The following OSMR variants were observed in gnomAD, a reference collection of about 807,000 sequenced individuals.
The protein encoded by OSMR is oncostatin M receptor.
Under a neutral mutation model 99.9 loss-of-function variants are expected in OSMR, and 81 were observed. That is an observed-to-expected ratio of 0.81 (90% CI 0.68 to 0.97). The LOEUF (loss-of-function observed/expected upper bound fraction) is 0.97. Among genes scored for constraint, OSMR ranks in the 50% least tolerant of loss-of-function variants. OSMR has a pLI of 0.00. For synonymous variants in OSMR, 406 were observed against 410.4 expected (o/e 0.99, Z 0.13); for missense variants, 1,099 against 1,153.4 (o/e 0.95, Z 0.68).
At chr5:38,924,818 A>G (rs1314463950) in intron 14 of OSMR, among the ~76,000 whole-genome samples, 4 of 152,158 alleles carry the variant, frequency 2.6e-5, no homozygotes, top group Non-Finnish European at 4.4e-5. Flanking sequence ...TGGTATTTTT[A>G]GAAGCATCTG....
At chr5:38,872,104 A>G (rs572181442) in intron 2 of OSMR, among the ~76,000 whole-genome samples, 3 of 152,230 alleles carry the variant, frequency 2.0e-5, no homozygotes, top group East Asian at 1.9e-4. Context: ...TTTAACCTCA[A>G]TTTCCTCGTC....
chr5:38,939,221 C>G (rs187837263), downstream of OSMR: 112 of 232,856 alleles, frequency 4.8e-4, no homozygotes, highest in African/African-American at 2.3e-3. Flanking sequence ...CATTGATATC[C>G]CACTGCTGAA....
downstream of OSMR, among the ~76,000 whole-genome samples, chr5:38,936,456 C>T (rs529346527): frequency 2.6e-5 from 4 of 152,302 alleles, no homozygotes; most frequent in East Asian, 1.9e-4. Context: ...GTGCACGGTC[C>T]TCACCTGTGT....
intron 1 of OSMR, among the ~76,000 whole-genome samples, chr5:38,865,388 T>G (rs1480611790): frequency 6.6e-6 from 1 of 152,266 alleles, no homozygotes; most frequent in Non-Finnish European, 1.5e-5. Flanking sequence ...TTTGCTTTCA[T>G]AGGGAAAAAT....
downstream of OSMR, chr5:38,939,724 A>C: frequency 8.7e-6 from 2 of 229,640 alleles, no homozygotes; most frequent in Non-Finnish European, 1.7e-5. Flanking sequence ...ATATGGACTA[A>C]GATTAATCCT....
chr5:38,909,408 A>G (rs1000156871), intron 9 of OSMR, among the ~76,000 whole-genome samples: 2 of 152,200 alleles, frequency 1.3e-5, no homozygotes, highest in African/African-American at 4.8e-5. Context: ...TCCCAAAGAC[A>G]CCATGTCTCC....
intron 9 of OSMR, among the ~76,000 whole-genome samples, chr5:38,907,668 A>C (rs999706232): frequency 1.3e-5 from 2 of 152,180 alleles, no homozygotes; most frequent in Non-Finnish European, 2.9e-5. Context: ...GGACCATATC[A>C]TAGCTGCTTT....
At chr5:38,859,990 T>C (rs904795565) in intron 1 of OSMR, among the ~76,000 whole-genome samples, 1 of 152,160 alleles carries the variant, frequency 6.6e-6, no homozygotes, top group Non-Finnish European at 1.5e-5. Flanking sequence ...GGAGTCTAGG[T>C]TTTTATATAT....
At chr5:38,870,482 C>A (rs1742303028) in intron 2 of OSMR, among the ~76,000 whole-genome samples, 1 of 152,098 alleles carries the variant, frequency 6.6e-6, no homozygotes, top group South Asian at 2.1e-4. Context: ...CAGGCACACG[C>A]CACCACGCCC....
At chr5:38,904,607 T>A in intron 9 of OSMR, 104 bp downstream of exon 9, 1 of 1,377,122 alleles carries the variant, frequency 7.3e-7, no homozygotes, top group Non-Finnish European at 1.0e-6. Context: ...GAAAAATATT[T>A]AAACAGAGGC....
intron 1 of OSMR, among the ~76,000 whole-genome samples, chr5:38,851,389 A>G (rs1740344297): frequency 6.6e-6 from 1 of 152,090 alleles, no homozygotes; most frequent in East Asian, 1.9e-4. Context: ...CCAGAAACAC[A>G]TGTGCAAGAG....
chr5:38,932,676 A>C, intron 17 of OSMR, 141 bp downstream of exon 17: 1 of 1,534,554 alleles, frequency 6.5e-7, no homozygotes, highest in Non-Finnish European at 8.8e-7. Context: ...CAGCCATGAA[A>C]TAGGTGATTG....
At chr5:38,860,157 G>C (rs1741170688) in intron 1 of OSMR, among the ~76,000 whole-genome samples, 1 of 152,204 alleles carries the variant, frequency 6.6e-6, no homozygotes, top group African/African-American at 2.4e-5. Context: ...AATTCTGAGA[G>C]AATAAATTTT....
At chr5:38,876,769 A>G (rs1260973444) in intron 3 of OSMR, among the ~76,000 whole-genome samples, 1 of 152,166 alleles carries the variant, frequency 6.6e-6, no homozygotes, top group Non-Finnish European at 1.5e-5. Flanking sequence ...TTTCTTTCCA[A>G]TGTAGCTTCC....
chr5:38,879,622 C>CT (rs1173567281), intron 3 of OSMR, among the ~76,000 whole-genome samples: 7,462 of 131,206 alleles, frequency 0.057, 424 homozygotes, highest in East Asian at 0.17. Context: ...ATATTTGCTC[C>CT]TTTTTTTTTT....
chr5:38,940,369 A>G (rs186650373), downstream of OSMR: 50 of 231,968 alleles, frequency 2.2e-4, no homozygotes, highest in Middle Eastern at 7.8e-3. Flanking sequence ...TGTTAATCCC[A>G]TTATGAATAA....
At chr5:38,852,229 T>C (rs564471514) in intron 1 of OSMR, among the ~76,000 whole-genome samples, 2 of 152,364 alleles carry the variant, frequency 1.3e-5, no homozygotes, top group Non-Finnish European at 2.9e-5. Flanking sequence ...TTTTCCCTCA[T>C]GTACACAGTG....
chr5:38,894,778 A>G (rs946762265), intron 7 of OSMR, among the ~76,000 whole-genome samples: 1 of 152,042 alleles, frequency 6.6e-6, no homozygotes, highest in Non-Finnish European at 1.5e-5. Context: ...CTTCAACACC[A>G]CACTGACAGC....
In OSMR at chr5:38,934,313, G is replaced by C. The variant is rs1440707936; in HGVS notation, c.*869G>C. ...GACCTGTTTTCACTTAGCATCCTTT[G>C]GACTCTGCAGTAGGTTGTCTGGGTC... On this transcript the variant is annotated 3_prime_UTR_variant, in exon 18 of 18. Coordinates refer to ENST00000274276, the MANE Select transcript of OSMR (RefSeq NM_003999.3). The C allele has an allele frequency of 2.6e-5, 4 of 152,292 alleles. No homozygotes were observed. The highest frequency in any genetic ancestry group is 4.4e-5 in the Non-Finnish European group (3 of 67,988). The allele number at this position is 152,292 out of a possible 1,614,324, so 9.4% of individuals were successfully genotyped here.
Sources: allele counts gnomAD v4.1 joint callset (sites outside exome capture counted in the v4.1 genomes callset), GRCh38; gene constraint gnomAD v4.1.1; transcripts MANE v1.5; gene names NCBI Gene and HGNC (gene_info 2026-07-23, HGNC 2026-07-21).